Variants in SUPT3H observed in about 807,000 individuals in gnomAD.
SUPT3H encodes the protein transcription initiation protein SPT3 homolog.
A neutral mutation model predicts 44.3 loss-of-function variants in SUPT3H; 44 were observed. That is an observed-to-expected ratio of 0.99 (90% CI 0.78 to 1.28). SUPT3H has a LOEUF of 1.28. Ranked by LOEUF, SUPT3H falls within the 50% of genes most tolerant of loss-of-function variation. SUPT3H has a pLI of 0.00. For synonymous variants in SUPT3H, 124 were observed against 125.6 expected, an observed-to-expected ratio of 0.99 and a Z score of 0.09; for missense variants, 380 against 387.1, an observed-to-expected ratio of 0.98 and a Z score of 0.15.
chr6:45,115,520 GTGTATAT>G (rs1800716426), intron 2 of SUPT3H, among the ~76,000 whole-genome samples: 1 of 152,076 alleles, frequency 6.6e-6, no homozygotes, highest in Non-Finnish European at 1.5e-5. Flanking sequence ...CGTATTTACT[GTGTATAT>G]AATCCTTTTC....
At chr6:45,284,774 T>TG (rs1172836507) in intron 2 of SUPT3H, among the ~76,000 whole-genome samples, 3 of 152,108 alleles carry the variant, frequency 2.0e-5, no homozygotes, top group Non-Finnish European at 4.4e-5. Flanking sequence ...TACCAAAGAC[T>TG]AGCAGAGACA....
At chr6:45,109,897 G>T (rs1799800959) in intron 2 of SUPT3H, among the ~76,000 whole-genome samples, 1 of 152,032 alleles carries the variant, frequency 6.6e-6, no homozygotes, top group African/African-American at 2.4e-5. Context: ...CTTATCCTGG[G>T]TCTTGTCCTA....
At chr6:45,112,458 T>C (rs1465721348) in intron 2 of SUPT3H, among the ~76,000 whole-genome samples, 1 of 152,192 alleles carries the variant, frequency 6.6e-6, no homozygotes, top group African/African-American at 2.4e-5. Flanking sequence ...TTTTACATTA[T>C]TCTTTTTCAA....
chr6:45,278,131 T>C (rs1199592878), intron 2 of SUPT3H, among the ~76,000 whole-genome samples: 2 of 26,338 alleles, frequency 7.6e-5, no homozygotes, highest in Non-Finnish European at 1.5e-4. Context: ...CGGCAGTGGG[T>C]GGGGTCGGGG....
intron 3 of SUPT3H, among the ~76,000 whole-genome samples, chr6:45,096,731 T>C (rs1010855715): frequency 6.6e-6 from 1 of 152,144 alleles, no homozygotes; most frequent in African/African-American, 2.4e-5. Context: ...AAAATGTCCA[T>C]CATCCTTGGT....
intron 3 of SUPT3H, among the ~76,000 whole-genome samples, chr6:45,099,463 T>C (rs773898591): frequency 2.6e-5 from 4 of 152,146 alleles, no homozygotes; most frequent in East Asian, 1.9e-4. Flanking sequence ...TTCAACTCAA[T>C]AAATACATGT....
At chr6:45,281,965 C>T (rs7767025) in intron 2 of SUPT3H, among the ~76,000 whole-genome samples, 89,017 of 151,978 alleles carry the variant, frequency 0.59, 26,889 homozygotes, top group African/African-American at 0.74. Flanking sequence ...ACTGCTGATA[C>T]CCAGGCAAAC....
At chr6:45,150,055 T>C (rs960597014) in intron 2 of SUPT3H, among the ~76,000 whole-genome samples, 5 of 152,118 alleles carry the variant, frequency 3.3e-5, no homozygotes, top group Non-Finnish European at 7.4e-5. Flanking sequence ...TTTTAAGAGC[T>C]CCTCAGAATG....
intron 5 of SUPT3H, among the ~76,000 whole-genome samples, chr6:45,010,953 T>C (rs1458542602): frequency 2.0e-5 from 3 of 152,138 alleles, no homozygotes; most frequent in Non-Finnish European, 4.4e-5. Context: ...TTAAATGCTT[T>C]TCCTACATTT....
At chr6:45,262,687 G>T (rs10456550) in intron 2 of SUPT3H, among the ~76,000 whole-genome samples, 2 of 152,078 alleles carry the variant, frequency 1.3e-5, no homozygotes, top group Non-Finnish European at 2.9e-5. Flanking sequence ...CACAGCAGAA[G>T]AAATTATCTG....
chr6:45,070,455 AT>A (rs1322364510), intron 3 of SUPT3H, among the ~76,000 whole-genome samples: 5 of 152,076 alleles, frequency 3.3e-5, no homozygotes, highest in African/African-American at 4.8e-5. Flanking sequence ...GTAAAATGAA[AT>A]GCTTTGGCCG....
At chr6:44,958,474 G>A (rs564929723) in intron 7 of SUPT3H, among the ~76,000 whole-genome samples, 142 of 152,234 alleles carry the variant, frequency 9.3e-4, no homozygotes, top group African/African-American at 3.2e-3. Flanking sequence ...CTTCTTCAGA[G>A]GGCATGGTTT....
At chr6:44,867,889 T>C (rs1459771962) in intron 10 of SUPT3H, among the ~76,000 whole-genome samples, 13 of 152,196 alleles carry the variant, frequency 8.5e-5, no homozygotes. Flanking sequence ...AGTATGTTTG[T>C]TTGATGCTAG....
intron 11 of SUPT3H, among the ~76,000 whole-genome samples, chr6:44,819,187 G>A (rs1034179741): frequency 3.3e-5 from 5 of 152,056 alleles, no homozygotes; most frequent in African/African-American, 1.2e-4. Flanking sequence ...AATCTCAAAA[G>A]CATAATGCTA....
At chr6:44,819,149 T>C (rs998653514) in intron 11 of SUPT3H, among the ~76,000 whole-genome samples, 11 of 152,114 alleles carry the variant, frequency 7.2e-5, no homozygotes, top group Non-Finnish European at 1.0e-4. Flanking sequence ...TAACATATAA[T>C]GAACTAACAC....
chr6:44,941,442 G>A lies in SUPT3H; in HGVS notation c.802-8679C>T, dbSNP rs551598054. On this transcript the variant is annotated intron_variant, in intron 9 of 10. Transcript: ENST00000371459. The stretch of plus-strand genomic sequence containing the variant: ...GGCTGACAGTTTTTTTCTTCTTTCA[G>A]TACTTCGAAAATGCCATCCCATTAT... Among the ~76,000 whole-genome samples the A allele has an allele frequency of 2.0e-5, 3 of 152,044 alleles. No individual in the cohort carries two copies. The South Asian group carries it at 6.2e-4, about 32-fold the overall frequency.
At position 45,067,672 on chromosome 6, in the gene SUPT3H, C is replaced by G. The variant is rs1057296321; in HGVS notation, c.186+38250G>C. 4.1e-4 allele frequency among the ~76,000 whole-genome samples: 62 copies of G among 150,484 alleles called. 1 individual carries two copies. The East Asian group carries it at 8.2e-3, about 20-fold the overall frequency. On this transcript the variant is annotated intron_variant, in intron 3 of 10. Coordinates refer to ENST00000371459, the MANE Select transcript of SUPT3H (RefSeq NM_003599.4). Reference sequence around the variant, plus strand: ...GCGAAGGACATGAACAGACACTTCTCAAAAGAAGACATTTATGCAGCCAAG... The same window carrying G: ...GCGAAGGACATGAACAGACACTTCTGAAAAGAAGACATTTATGCAGCCAAG...
chr6:45,051,031 C>T (rs1253890992), intron 3 of SUPT3H, among the ~76,000 whole-genome samples: 1 of 151,704 alleles, frequency 6.6e-6, no homozygotes, highest in African/African-American at 2.4e-5. Context: ...ACTACAGGGG[C>T]CTGCCGCCAT....
chr6:45,276,534 A>G (rs1264174783), intron 2 of SUPT3H, among the ~76,000 whole-genome samples: 2 of 152,070 alleles, frequency 1.3e-5, no homozygotes, highest in African/African-American at 4.8e-5. Flanking sequence ...CAATTTTTGC[A>G]ATTCTTTTCA....
Sources: gnomAD v4.1 joint callset for allele counts (sites outside exome capture counted in the v4.1 genomes callset) on GRCh38, gnomAD v4.1.1 for gene constraint, MANE v1.5 for transcripts, NCBI Gene and HGNC (gene_info 2026-07-23, HGNC 2026-07-21) for gene names.